The following POU6F2 variants were observed in gnomAD, a reference collection of about 807,000 sequenced individuals.
The protein encoded by POU6F2 is POU domain, class 6, transcription factor 2.
Under a neutral mutation model 71.3 loss-of-function variants are expected in POU6F2, and 31 were observed. That is an observed-to-expected ratio of 0.43 (90% CI 0.33 to 0.59). The LOEUF is 0.59. Among genes scored for constraint, POU6F2 ranks in the 20% least tolerant of loss-of-function variants. POU6F2 has a pLI of 0.04. For synonymous variants in POU6F2, 347 were observed against 355.7 expected (o/e 0.98, Z 0.27); for missense variants, 783 against 856.8 (o/e 0.91, Z 1.07).
At chr7:39,360,294 A>G (rs1025665856) in intron 5 of POU6F2, among the ~76,000 whole-genome samples, 5 of 152,242 alleles carry the variant, frequency 3.3e-5, no homozygotes, top group Non-Finnish European at 5.9e-5. Context: ...ATTAATTAGT[A>G]CTAGTTAACT....
At chr7:38,997,130 A>G (rs1788763069) in intron 1 of POU6F2, among the ~76,000 whole-genome samples, 1 of 150,770 alleles carries the variant, frequency 6.6e-6, no homozygotes, top group African/African-American at 2.4e-5. Flanking sequence ...AACTGGGAGA[A>G]GAACCCAGAT....
chr7:39,332,305 C>CTA (rs1479153447), intron 4 of POU6F2, among the ~76,000 whole-genome samples: 3 of 152,164 alleles, frequency 2.0e-5, no homozygotes, highest in Non-Finnish European at 4.4e-5. Context: ...CTGCTGTGGA[C>CTA]TGGCTGCTGT....
chr7:39,379,817 G>A (rs1786791629), intron 5 of POU6F2, among the ~76,000 whole-genome samples: 1 of 152,204 alleles, frequency 6.6e-6, no homozygotes, highest in African/African-American at 2.4e-5. Context: ...GGGCCAGAGT[G>A]TGAGAGGATA....
chr7:39,236,275 G>A (rs981012888), intron 4 of POU6F2, among the ~76,000 whole-genome samples: 1 of 152,076 alleles, frequency 6.6e-6, no homozygotes, highest in Admixed American at 6.6e-5. Context: ...TAAACACAGT[G>A]ATGAGTACTC....
rs859537 is a variant in POU6F2 at position 38,978,008 on chromosome 7, T to G, written c.55T>G (p.Tyr19Asp). ...TCAAAGACAACATATGATGGATTGC[T>G]ATCTCTCAGCGCAGCAGGACACGGG... Reference protein sequence around the residue: ...PFQRQHMMDCYLSAQQDTGTM... With the variant: ...PFQRQHMMDCDLSAQQDTGTM... The change falls in exon 1 of 10, where the codon TAT (tyrosine) becomes GAT (aspartate). Residue 19 changes from tyrosine (Y) to aspartate (D), a missense_variant. Transcript: ENST00000518318. The G allele has an allele frequency of 0.99, 150,700 of 152,294 alleles. 74,575 individuals are homozygous for G. Among genetic ancestry groups the G allele is most frequent in the East Asian group, 1 (5,182 of 5,182 alleles). The allele number at this position is 152,294 out of a possible 1,614,324, so 9.4% of individuals were successfully genotyped here.
rs1583622044 is a variant in POU6F2, at chr7:39,460,450, C to A, written c.1490-97C>A. 2 of 1,396,112 alleles carry A rather than the reference C, an allele frequency of 1.4e-6. No homozygotes were observed. The highest frequency in any genetic ancestry group is 2.0e-6 in the Non-Finnish European group (2 of 1,014,088). The allele number at this position is 1,396,112 out of a possible 1,614,324, so 86.5% of individuals were successfully genotyped here. A position where few individuals can be genotyped will look rare whatever the true frequency, so the allele number is the denominator to read the frequency against. On this transcript the variant is annotated intron_variant, in intron 8 of 9. Coordinates refer to ENST00000518318, the MANE Select transcript of POU6F2 (RefSeq NM_001370959.1). This position sits in a 1 kb window ranked among gnomAD's most constrained non-coding sequence, Gnocchi z 4.4. Reference sequence around the variant, plus strand: ...TGAGGTTGGTTTCCTCACTGCTCTGCTGTTAAAGAGAGCCACTTTCTTATA... The same window carrying A: ...TGAGGTTGGTTTCCTCACTGCTCTGATGTTAAAGAGAGCCACTTTCTTATA...
At chr7:39,319,127 C>T (rs530025882) in intron 4 of POU6F2, among the ~76,000 whole-genome samples, 1 of 152,218 alleles carries the variant, frequency 6.6e-6, no homozygotes, top group South Asian at 2.1e-4. Flanking sequence ...GGAGACCCTG[C>T]CTCATAAAAA....
intron 4 of POU6F2, among the ~76,000 whole-genome samples, chr7:39,225,862 T>C (rs954657459): frequency 2.6e-5 from 4 of 152,154 alleles, no homozygotes; most frequent in African/African-American, 4.8e-5. Flanking sequence ...TTTGACCACA[T>C]GTGATTTCAT....
intron 4 of POU6F2, among the ~76,000 whole-genome samples, chr7:39,243,908 A>G (rs1250946596): frequency 1.3e-5 from 2 of 152,144 alleles, no homozygotes; most frequent in African/African-American, 4.8e-5. Flanking sequence ...CCTACAGGTC[A>G]TTGACAGTTC....
chr7:39,201,030 CA>C (rs201186592), intron 2 of POU6F2, among the ~76,000 whole-genome samples: 7 of 149,274 alleles, frequency 4.7e-5, no homozygotes, highest in African/African-American at 7.4e-5. Context: ...CTGTCTCTCT[CA>C]AAAAAAAATA....
At chr7:39,180,463 G>A (rs1036780271) in intron 2 of POU6F2, among the ~76,000 whole-genome samples, 2 of 152,150 alleles carry the variant, frequency 1.3e-5, no homozygotes, top group African/African-American at 4.8e-5. Flanking sequence ...ACACAGCACA[G>A]AAGAAGCCTC....
chr7:39,381,356 G>C (rs1007340851), intron 5 of POU6F2, among the ~76,000 whole-genome samples: 6 of 152,186 alleles, frequency 3.9e-5, no homozygotes, highest in African/African-American at 1.4e-4. Flanking sequence ...TTGTGCTTCA[G>C]CTTCTTGAGT....
In POU6F2 at chr7:39,305,433, T is replaced by A. The variant is rs112898292; in HGVS notation, c.599-34209T>A. Among the ~76,000 whole-genome samples the A allele has an allele frequency of 4.1e-3, 622 of 152,316 alleles. 2 individuals carry two copies. The highest frequency in any genetic ancestry group is 0.014 in the African/African-American group (562 of 41,556). ...TATAACTCTTAAACAGTATTTTTTT[T>A]AAAAAGTCAGAATGGCCCTCCAGCT... On this transcript the variant is annotated intron_variant, in intron 4 of 9. Transcript: ENST00000518318.
intron 5 of POU6F2, among the ~76,000 whole-genome samples, chr7:39,340,558 A>G (rs942440076): frequency 2.0e-5 from 3 of 152,130 alleles, no homozygotes; most frequent in Non-Finnish European, 4.4e-5. Context: ...GATTCCAACC[A>G]TTACTCCACA....
In POU6F2 at chr7:39,191,979, T is replaced by G. The variant is rs185398078; in HGVS notation, c.278-12256T>G. 5.9e-5 allele frequency among the ~76,000 whole-genome samples: 9 copies of G among 152,324 alleles called. No individual in the cohort carries two copies. In the East Asian group the frequency reaches 1.5e-3, roughly 26 times the overall value. ...TGAGACATTAATTTGAGTTTTCATATTCTAGATCTACTTAATCTTCGTAGG... is the reference window on the plus strand; with the variant it reads ...TGAGACATTAATTTGAGTTTTCATAGTCTAGATCTACTTAATCTTCGTAGG... On this transcript the variant is annotated intron_variant, in intron 2 of 9. Transcript: ENST00000518318.
At chr7:39,204,474 A>C in intron 3 of POU6F2, 148 bp downstream of exon 3, 1 of 586,312 alleles carries the variant, frequency 1.7e-6, no homozygotes, top group Non-Finnish European at 2.9e-6. Context: ...CTGTATGACT[A>C]CATTATTTAT....
chr7:38,991,702 G>C (rs1036731722), intron 1 of POU6F2, among the ~76,000 whole-genome samples: 17 of 152,094 alleles, frequency 1.1e-4, no homozygotes, highest in African/African-American at 4.1e-4. Context: ...TTTTTTTCAG[G>C]AAAGAGTGAT....
At chr7:39,328,392 A>G (rs1159574447) in intron 4 of POU6F2, among the ~76,000 whole-genome samples, 1 of 152,214 alleles carries the variant, frequency 6.6e-6, no homozygotes, top group Admixed American at 6.5e-5. Flanking sequence ...GTCCTAGGGA[A>G]TATTTCTTAA....
chr7:39,318,686 G>C (rs1368112766), intron 4 of POU6F2, among the ~76,000 whole-genome samples: 2 of 152,184 alleles, frequency 1.3e-5, no homozygotes, highest in Non-Finnish European at 2.9e-5. Context: ...TACATGACTT[G>C]TTCAACTCAC....
Sources: gnomAD v4.1 joint callset for allele counts (sites outside exome capture counted in the v4.1 genomes callset) on GRCh38, gnomAD v4.1.1 for gene constraint, Gnocchi (gnomAD v3.1) non-coding constraint, MANE v1.5 for transcripts, NCBI Gene and HGNC (gene_info 2026-07-23, HGNC 2026-07-21) for gene names.